The following RSPO3 variants were observed in gnomAD, a reference collection of about 807,000 sequenced individuals.
The protein encoded by RSPO3 is R-spondin-3.
In RSPO3, 17 loss-of-function variants were observed where a neutral mutation model predicts 36.5. The ratio of observed to expected loss-of-function variants is 0.47; its 90% CI spans 0.32 to 0.70. The LOEUF is 0.70. Ranked by LOEUF, RSPO3 falls within the 30% of genes least tolerant of loss-of-function variation. The pLI, the probability that RSPO3 is intolerant of heterozygous loss-of-function variation, is 0.04. For synonymous variants in RSPO3, 108 were observed against 107.0 expected, an observed-to-expected ratio of 1.01 and a Z score of -0.06; for missense variants, 294 against 322.5, an observed-to-expected ratio of 0.91 and a Z score of 0.68.
intron 4 of RSPO3, among the ~76,000 whole-genome samples, chr6:127,181,373 C>T (rs1775183423): frequency 6.6e-6 from 1 of 151,806 alleles, no homozygotes; most frequent in African/African-American, 2.4e-5. Context: ...ATAGATAATA[C>T]AGCTGCTTAC....
At chr6:127,150,181 A>ATATATG (rs1028663797) in intron 2 of RSPO3, among the ~76,000 whole-genome samples, 19 of 151,666 alleles carry the variant, frequency 1.3e-4, no homozygotes, top group African/African-American at 4.4e-4. Flanking sequence ...ATATATATAT[A>ATATATG]TATATACACA....
intron 1 of RSPO3, among the ~76,000 whole-genome samples, chr6:127,120,310 C>T (rs1313499642): frequency 6.6e-6 from 1 of 152,200 alleles, no homozygotes; most frequent in Admixed American, 6.5e-5. Context: ...TCTGTGTTCC[C>T]ATGGGGAGTC....
intron 4 of RSPO3, among the ~76,000 whole-genome samples, chr6:127,163,691 C>G (rs1774755529): frequency 8.8e-6 from 1 of 113,602 alleles, no homozygotes. Flanking sequence ...TTCAGTTTCT[C>G]TAAAAAATTA....
rs1775512339 is a variant in RSPO3, at chr6:127,196,198, A to T, written c.*191A>T. ...AAAGAGCCAAAAGATCAAAGAAGGG[A>T]TACTTTCAGATGGTTGTCTTGTGTG... On this transcript the variant is annotated 3_prime_UTR_variant, in exon 5 of 5. Coordinates refer to ENST00000356698, the MANE Select transcript of RSPO3 (RefSeq NM_032784.5). 1 of 381,768 alleles carries T rather than the reference A, an allele frequency of 2.6e-6. No homozygotes were observed. The highest frequency in any genetic ancestry group is 4.6e-6 in the Non-Finnish European group (1 of 215,758). 23.6% of individuals were successfully genotyped at this position (381,768 alleles called of 1,614,324 possible). A position where few individuals can be genotyped will look rare whatever the true frequency, so the allele number is the denominator to read the frequency against.
chr6:127,176,193 T>C (rs983150266), intron 4 of RSPO3, among the ~76,000 whole-genome samples: 1 of 151,758 alleles, frequency 6.6e-6, no homozygotes, highest in African/African-American at 2.4e-5. Context: ...ATAATAAATA[T>C]AGATTTATGA....
chr6:127,168,216 C>T (rs1215539770), intron 4 of RSPO3, among the ~76,000 whole-genome samples: 3 of 152,118 alleles, frequency 2.0e-5, no homozygotes, highest in Non-Finnish European at 2.9e-5. Flanking sequence ...TACAGTCCCA[C>T]CAACAGTGTA....
At chr6:127,167,589 G>A (rs2114611377) in intron 4 of RSPO3, among the ~76,000 whole-genome samples, 1 of 151,800 alleles carries the variant, frequency 6.6e-6, no homozygotes, top group East Asian at 2.0e-4. Context: ...ACATATGAAT[G>A]CATGTAGCTT....
intron 1 of RSPO3, among the ~76,000 whole-genome samples, chr6:127,132,941 T>C (rs140826235): frequency 1.9e-4 from 29 of 152,218 alleles, no homozygotes; most frequent in Non-Finnish European, 3.4e-4. Context: ...CTAGTTAATG[T>C]TTCCTCTTTC....
chr6:127,177,302 T>C (rs529136954), intron 4 of RSPO3, among the ~76,000 whole-genome samples: 34 of 152,010 alleles, frequency 2.2e-4, no homozygotes, highest in African/African-American at 7.2e-4. Context: ...TTGTAAACTG[T>C]ATCCAACACT....
At chr6:127,135,107 TTAA>T (rs1396099769) in intron 1 of RSPO3, among the ~76,000 whole-genome samples, 1 of 152,166 alleles carries the variant, frequency 6.6e-6, no homozygotes, top group African/African-American at 2.4e-5. Flanking sequence ...TTAACTGTTT[TTAA>T]ATCAGAGGCC....
intron 1 of RSPO3, among the ~76,000 whole-genome samples, chr6:127,138,917 C>T: frequency 6.6e-6 from 1 of 152,140 alleles, no homozygotes; most frequent in Non-Finnish European, 1.5e-5. Flanking sequence ...TAAATGAGTG[C>T]AGATCCAGTA....
intron 1 of RSPO3, among the ~76,000 whole-genome samples, chr6:127,127,617 G>A (rs146547426): frequency 1.1e-3 from 161 of 152,120 alleles, no homozygotes; most frequent in African/African-American, 3.7e-3. Flanking sequence ...TAAGGAATGT[G>A]CCAATAGTCC....
intron 3 of RSPO3, among the ~76,000 whole-genome samples, chr6:127,152,195 AT>A (rs894205461): frequency 6.6e-6 from 1 of 152,164 alleles, no homozygotes; most frequent in Non-Finnish European, 1.5e-5. Flanking sequence ...AAGTTTATAT[AT>A]TTTGGAAAAG....
At chr6:127,148,356 T>C (rs1487791030) in intron 1 of RSPO3, among the ~76,000 whole-genome samples, 3 of 151,186 alleles carry the variant, frequency 2.0e-5, no homozygotes, top group Admixed American at 2.0e-4. Flanking sequence ...TTTAAAAATA[T>C]ATATTATATG....
intron 4 of RSPO3, among the ~76,000 whole-genome samples, chr6:127,157,333 G>C (rs577396046): frequency 1.3e-5 from 2 of 151,990 alleles, no homozygotes; most frequent in Non-Finnish European, 2.9e-5. Flanking sequence ...TATAAATGAA[G>C]AAAAGTTATC....
At chr6:127,163,223 C>T (rs1464218338) in intron 4 of RSPO3, among the ~76,000 whole-genome samples, 2 of 152,094 alleles carry the variant, frequency 1.3e-5, no homozygotes, top group Non-Finnish European at 2.9e-5. Flanking sequence ...AAAGACACTC[C>T]CTCCTTTCAT....
At chr6:127,165,248 A>G (rs1774799935) in intron 4 of RSPO3, among the ~76,000 whole-genome samples, 1 of 152,078 alleles carries the variant, frequency 6.6e-6, no homozygotes, top group African/African-American at 2.4e-5. Context: ...CTTCACAGAA[A>G]TAAGAACCTA....
intron 4 of RSPO3, among the ~76,000 whole-genome samples, chr6:127,195,343 AT>A: frequency 1.3e-5 from 2 of 152,022 alleles, no homozygotes; most frequent in South Asian, 2.1e-4. Context: ...GATTTTTTTT[AT>A]TTTTTATAGC....
intron 4 of RSPO3, among the ~76,000 whole-genome samples, chr6:127,169,339 A>C (rs1774891254): frequency 6.6e-6 from 1 of 151,828 alleles, no homozygotes; most frequent in Non-Finnish European, 1.5e-5. Context: ...ATTCATTCAC[A>C]AACATTATAG....
Sources: allele counts gnomAD v4.1 joint callset (sites outside exome capture counted in the v4.1 genomes callset), GRCh38; gene constraint gnomAD v4.1.1; transcripts MANE v1.5; gene names NCBI Gene and HGNC (gene_info 2026-07-23, HGNC 2026-07-21).